TMC1: variants seen among roughly 807,000 people sequenced by gnomAD.
The protein encoded by TMC1 is transmembrane channel like 1, also known as transmembrane channel-like protein 1.
Under a neutral mutation model 105.8 loss-of-function variants are expected in TMC1, and 84 were observed. The observed-to-expected ratio is 0.79, with a 90% CI of 0.67 to 0.95. The LOEUF (loss-of-function observed/expected upper bound fraction) is 0.95, where lower values mean the gene tolerates loss of function less well. TMC1 is among the 40% of genes least tolerant of loss of function. TMC1 has a pLI of 0.00. For synonymous variants in TMC1, 315 were observed against 311.5 expected (o/e 1.01, Z -0.12); for missense variants, 817 against 914.1 (o/e 0.89, Z 1.37).
intron 3 of TMC1, among the ~76,000 whole-genome samples, chr9:72,621,176 C>T (rs1222291349): frequency 1.3e-5 from 2 of 152,162 alleles, no homozygotes; most frequent in Non-Finnish European, 2.9e-5. Context: ...GAGAATAACA[C>T]GTTATTGTAA....
At chr9:72,556,291 A>G (rs868418455) in intron 1 of TMC1, among the ~76,000 whole-genome samples, 174 of 151,208 alleles carry the variant, frequency 1.2e-3, no homozygotes, top group African/African-American at 4.0e-3. Flanking sequence ...TAATTTTTGT[A>G]TTTTTAGTAG....
Position 72,788,436 on chromosome 9 carries a change from C to T in TMC1, c.982C>T (p.Pro328Ser). 6.2e-7 allele frequency: 1 copy of T among 1,614,020 alleles called. No homozygotes were observed. Among genetic ancestry groups the T allele is most frequent in the Non-Finnish European group, 8.5e-7 (1 of 1,179,932 alleles). ...CAGCTGGGACTACCTGATCGGCAAT[C>T]CTGAAACAGCAGACAACAAATTTAA... ...FTSWDYLIGN[P>S]ETADNKFNSI... The change falls in exon 14 of 24, where the codon CCT becomes TCT. Residue 328 changes from proline to serine, a missense_variant. Pro to Ser is a moderately conservative substitution (Grantham distance 74, BLOSUM62 -1). Coordinates refer to ENST00000297784, the MANE Select transcript of TMC1 (RefSeq NM_138691.3).
chr9:72,724,644 G>A (rs1827085525), intron 8 of TMC1, among the ~76,000 whole-genome samples: 1 of 151,920 alleles, frequency 6.6e-6, no homozygotes, highest in Non-Finnish European at 1.5e-5. Flanking sequence ...GATAAATCAT[G>A]GTTACTATTA....
chr9:72,825,031 A>G (rs1302488414), intron 20 of TMC1, among the ~76,000 whole-genome samples: 1 of 152,252 alleles, frequency 6.6e-6, no homozygotes, highest in Non-Finnish European at 1.5e-5. Flanking sequence ...ATTTGCAATC[A>G]TGCTTTATGC....
At chr9:72,694,775 A>G (rs1031706859) in intron 7 of TMC1, 61 bp downstream of exon 7, 1 of 1,530,766 alleles carries the variant, frequency 6.5e-7, no homozygotes, top group African/African-American at 1.4e-5. Flanking sequence ...CTCCTTTCAG[A>G]TACTCTTTGA....
rs978624559 is a variant in TMC1, at chr9:72,534,624, G to A, written c.-428+12711G>A. 1.8e-4 allele frequency among the ~76,000 whole-genome samples: 28 copies of A among 152,140 alleles called. No individual in the cohort carries two copies. The South Asian group carries it at 2.1e-3, about 11-fold the overall frequency. On this transcript the variant is annotated intron_variant, in intron 1 of 23. Coordinates refer to ENST00000297784, the MANE Select transcript of TMC1 (RefSeq NM_138691.3). ...ATAGAAAAATCCCAGATATTTCAAA[G>A]GCTATCATTAGAAAAACGTTAATGA...
chr9:72,806,529 T>C (rs1828593343), intron 18 of TMC1, among the ~76,000 whole-genome samples: 1 of 147,120 alleles, frequency 6.8e-6, no homozygotes, highest in South Asian at 2.2e-4. Context: ...GCGGAGGGGC[T>C]CCTCACTTCT....
intron 17 of TMC1, among the ~76,000 whole-genome samples, chr9:72,805,050 T>G (rs1828548068): frequency 1.3e-5 from 2 of 152,234 alleles, no homozygotes; most frequent in Admixed American, 6.5e-5. Context: ...ACATTTGTCT[T>G]TCAAGTCTGT....
In TMC1 at chr9:72,836,219, A is replaced by AC; in HGVS notation, c.*247dup. ...ACTCTCTCCCCTGCTCCATTTCGTG[A>AC]CTTTTTTTTTTTTTTTAACAAATTG... On this transcript the variant is annotated 3_prime_UTR_variant, in exon 24 of 24. Coordinates refer to ENST00000297784, the MANE Select transcript of TMC1 (RefSeq NM_138691.3). 3.8e-6 allele frequency: 2 copies of AC among 521,614 alleles called. No individual in the cohort carries two copies. Among genetic ancestry groups the AC allele is most frequent in the Non-Finnish European group, 6.8e-6 (2 of 294,642 alleles). The allele number at this position is 521,614 out of a possible 1,614,324, so 32.3% of individuals were successfully genotyped here. A position where few individuals can be genotyped will look rare whatever the true frequency, so the allele number is the denominator to read the frequency against.
At chr9:72,818,208 G>A (rs534705064) in intron 19 of TMC1, among the ~76,000 whole-genome samples, 5 of 152,104 alleles carry the variant, frequency 3.3e-5, no homozygotes, top group Admixed American at 1.3e-4. Flanking sequence ...AAAAATGTAC[G>A]GGGATGTTTT....
chr9:72,560,015 A>G (rs1426966149), intron 1 of TMC1, among the ~76,000 whole-genome samples: 1 of 152,202 alleles, frequency 6.6e-6, no homozygotes, highest in Non-Finnish European at 1.5e-5. Context: ...GGTATGTTAG[A>G]AGGAGCCTCT....
chr9:72,795,791 A>G (rs1407475425), intron 17 of TMC1, among the ~76,000 whole-genome samples: 1 of 152,194 alleles, frequency 6.6e-6, no homozygotes, highest in Non-Finnish European at 1.5e-5. Context: ...AAATCCATAC[A>G]TATTAATACT....
chr9:72,661,935 G>A (rs905761253), intron 5 of TMC1, among the ~76,000 whole-genome samples: 8 of 152,116 alleles, frequency 5.3e-5, no homozygotes, highest in African/African-American at 2.4e-5. Flanking sequence ...TGATGCAAGC[G>A]TTGCTTGGAG....
intron 12 of TMC1, among the ~76,000 whole-genome samples, chr9:72,767,046 T>C (rs1352478685): frequency 6.6e-6 from 1 of 152,180 alleles, no homozygotes; most frequent in Non-Finnish European, 1.5e-5. Flanking sequence ...TTCTTTCCTG[T>C]GTTGCGTCCT....
chr9:72,772,784 G>GC lies in TMC1; in HGVS notation c.884+230dup, dbSNP rs138677671. 6.6e-4 allele frequency among the ~76,000 whole-genome samples: 100 copies of GC among 152,202 alleles called. 2 individuals are homozygous for GC. The East Asian group carries it at 0.018, about 27-fold the overall frequency. On this transcript the variant is annotated intron_variant, in intron 13 of 23. Transcript: ENST00000297784. The stretch of plus-strand genomic sequence containing the variant: ...AGTCATCTCATGGGGTCAGACCAAT[G>GC]CTTGCATGCCTATCTTGTGTTTAAA...
At chr9:72,603,549 GTGTTGT>G (rs10655236) in intron 2 of TMC1, among the ~76,000 whole-genome samples, 82 of 151,332 alleles carry the variant, frequency 5.4e-4, no homozygotes, top group African/African-American at 2.0e-3. Flanking sequence ...GTTTAGTTTA[GTGTTGT>G]TGTTGTTGTT....
rs1283565019 is a variant in TMC1 at position 72,830,742 on chromosome 9, T to C, written c.2260+60T>C. 58 of 1,386,618 alleles carry C rather than the reference T, an allele frequency of 4.2e-5. No individual in the cohort carries two copies. The East Asian group carries it at 8.9e-4, about 21-fold the overall frequency. The allele number at this position is 1,386,618 out of a possible 1,614,324, so 85.9% of individuals were successfully genotyped here. A position where few individuals can be genotyped will look rare whatever the true frequency, so the allele number is the denominator to read the frequency against. The stretch of plus-strand genomic sequence containing the variant: ...TTTTTCTTTTTCTTTTTCTTTCTTT[T>C]TTTTTTTTTTTTGCTTTTTCTCCAT... On this transcript the variant is annotated intron_variant, in intron 23 of 23. Transcript: ENST00000297784.
chr9:72,634,059 G>A (rs1015534279), intron 4 of TMC1, among the ~76,000 whole-genome samples: 2 of 152,192 alleles, frequency 1.3e-5, no homozygotes, highest in African/African-American at 4.8e-5. Context: ...GAGCTCAGGG[G>A]CTAGGGTTTT....
In TMC1 at chr9:72,672,865, T is replaced by TACACAC. The variant is rs1564482069; in HGVS notation, c.17-15844_17-15843insACACAC. ...ACACACACACACACACACACACACG[T>TACACAC]GTATATATATATGCACACACACACA... On this transcript the variant is annotated intron_variant, in intron 5 of 23. Transcript: ENST00000297784. Among the ~76,000 whole-genome samples, 274 of 135,164 alleles carry TACACAC rather than the reference T, an allele frequency of 2.0e-3. 5 individuals are homozygous for TACACAC. Among genetic ancestry groups the TACACAC allele is most frequent in the African/African-American group, 7.7e-3 (267 of 34,618 alleles). The allele number at this position is 135,164 out of a possible 152,430, so 88.7% of individuals were successfully genotyped here. A position where few individuals can be genotyped will look rare whatever the true frequency, so the allele number is the denominator to read the frequency against.
Sources: allele counts gnomAD v4.1 joint callset (sites outside exome capture counted in the v4.1 genomes callset), GRCh38; gene constraint gnomAD v4.1.1; transcripts MANE v1.5; gene names NCBI Gene and HGNC (gene_info 2026-07-23, HGNC 2026-07-21).